SRRM4: variants seen among roughly 807,000 people sequenced by gnomAD.
SRRM4 encodes serine/arginine repetitive matrix 4, also known as serine/arginine repetitive matrix protein 4.
Under a neutral mutation model 68.9 loss-of-function variants are expected in SRRM4, and 33 were observed. That is an observed-to-expected ratio of 0.48 (90% confidence interval 0.36 to 0.64). SRRM4 has a LOEUF of 0.64. Ranked by LOEUF, SRRM4 falls within the 30% of genes least tolerant of loss-of-function variation. SRRM4 has a pLI of 0.00. For synonymous variants in SRRM4, 318 were observed against 318.8 expected (o/e 1.00, Z 0.03); for missense variants, 817 against 827.1 (o/e 0.99, Z 0.15).
chr12:119,096,555 G>A (rs1052662801), intron 1 of SRRM4, among the ~76,000 whole-genome samples: 2 of 152,220 alleles, frequency 1.3e-5, no homozygotes, highest in Non-Finnish European at 2.9e-5. Context: ...CAAGTGATGT[G>A]GAGAGAACGC....
At chr12:119,080,542 G>A (rs2136031128) in intron 1 of SRRM4, among the ~76,000 whole-genome samples, 1 of 152,298 alleles carries the variant, frequency 6.6e-6, no homozygotes, top group East Asian at 1.9e-4. Flanking sequence ...AAGTCCTGAT[G>A]TTAATTCCAA....
chr12:119,095,258 A>G (rs1258730868), intron 1 of SRRM4, among the ~76,000 whole-genome samples: 1 of 152,236 alleles, frequency 6.6e-6, no homozygotes, highest in East Asian at 1.9e-4. Flanking sequence ...TCTCTGGGCT[A>G]GGTCAGCCCC....
intron 1 of SRRM4, among the ~76,000 whole-genome samples, chr12:119,017,449 G>C (rs979930197): frequency 7.2e-5 from 11 of 152,226 alleles, no homozygotes; most frequent in African/African-American, 1.4e-4. Flanking sequence ...CTGTGGGCTT[G>C]TGTGTCTGGG....
intron 1 of SRRM4, among the ~76,000 whole-genome samples, chr12:119,045,356 G>T (rs1054454441): frequency 7.3e-6 from 1 of 137,620 alleles, no homozygotes; most frequent in Non-Finnish European, 1.5e-5. Flanking sequence ...AATTTTAACA[G>T]TATCTTTGAT....
intron 1 of SRRM4, among the ~76,000 whole-genome samples, chr12:119,035,979 G>A (rs1321798336): frequency 6.6e-6 from 1 of 152,096 alleles, no homozygotes; most frequent in Non-Finnish European, 1.5e-5. Context: ...GGATATTTCA[G>A]GCCACATGAA....
rs117266738 is a variant in SRRM4 at position 119,002,768 on chromosome 12, C to A, written c.131+20755C>A. 6.0e-3 allele frequency among the ~76,000 whole-genome samples: 912 copies of A among 152,150 alleles called. 12 individuals carry two copies. The highest frequency in any genetic ancestry group is 0.011 in the South Asian group (55 of 4,810). Reference sequence around the variant, plus strand: ...GACTAGCATATGATACTAGGAGAGCCAATCTCAGCCCTTCCCTGGGGCTAA... The same window carrying A: ...GACTAGCATATGATACTAGGAGAGCAAATCTCAGCCCTTCCCTGGGGCTAA... On this transcript the variant is annotated intron_variant, in intron 1 of 12. Coordinates refer to ENST00000267260, the MANE Select transcript of SRRM4 (RefSeq NM_194286.4).
intron 8 of SRRM4, among the ~76,000 whole-genome samples, chr12:119,134,398 AG>A (rs540581149): frequency 1.4e-5 from 2 of 147,732 alleles, no homozygotes; most frequent in Admixed American, 6.8e-5. Context: ...AAAAAAAAAA[AG>A]AAGAAAAGAA....
intron 1 of SRRM4, among the ~76,000 whole-genome samples, chr12:119,069,936 A>G (rs1953867437): frequency 6.6e-6 from 1 of 152,136 alleles, no homozygotes; most frequent in African/African-American, 2.4e-5. Flanking sequence ...TCATATAGAT[A>G]CCATAAATGG....
chr12:118,997,135 C>G (rs527536266), intron 1 of SRRM4, among the ~76,000 whole-genome samples: 1 of 152,372 alleles, frequency 6.6e-6, no homozygotes, highest in South Asian at 2.1e-4. Context: ...ACCATACATG[C>G]TCTTGACCAC....
intron 9 of SRRM4, among the ~76,000 whole-genome samples, chr12:119,146,172 G>T (rs1954400223): frequency 6.6e-6 from 1 of 152,102 alleles, no homozygotes; most frequent in South Asian, 2.1e-4. Context: ...CCATCACTAG[G>T]GCTAATGAGT....
chr12:119,078,599 A>G (rs942370690), intron 1 of SRRM4, among the ~76,000 whole-genome samples: 23 of 152,178 alleles, frequency 1.5e-4, no homozygotes, highest in Admixed American at 1.3e-3. Context: ...ATCCAGTATC[A>G]CTGGCAAATC....
At chr12:119,086,421 G>A (rs2136034380) in intron 1 of SRRM4, among the ~76,000 whole-genome samples, 1 of 152,220 alleles carries the variant, frequency 6.6e-6, no homozygotes, top group East Asian at 1.9e-4. Flanking sequence ...TTTGTACAGG[G>A]AAACAAGACT....
chr12:119,097,974 G>A (rs1487303742), intron 1 of SRRM4, among the ~76,000 whole-genome samples: 1 of 152,204 alleles, frequency 6.6e-6, no homozygotes, highest in Non-Finnish European at 1.5e-5. Flanking sequence ...TTTCTACAAT[G>A]TCCCAAAGAG....
intron 9 of SRRM4, among the ~76,000 whole-genome samples, chr12:119,150,356 C>A (rs1954430585): frequency 6.6e-6 from 1 of 152,106 alleles, no homozygotes; most frequent in Non-Finnish European, 1.5e-5. Context: ...CCTGTAATCT[C>A]AGCTACTCGG....
intron 6 of SRRM4, among the ~76,000 whole-genome samples, chr12:119,123,303 A>G (rs1030501762): frequency 5.3e-5 from 8 of 152,206 alleles, no homozygotes; most frequent in Non-Finnish European, 1.5e-5. Flanking sequence ...GAGTTAGCTG[A>G]GGGAAGAACT....
chr12:119,052,592 G>A (rs958600425), intron 1 of SRRM4, among the ~76,000 whole-genome samples: 2 of 152,118 alleles, frequency 1.3e-5, no homozygotes, highest in East Asian at 1.9e-4. Context: ...GTAGTAGCGC[G>A]ATCTCGGCTC....
chr12:119,068,345 T>A (rs1953858578), intron 1 of SRRM4, among the ~76,000 whole-genome samples: 1 of 152,162 alleles, frequency 6.6e-6, no homozygotes. Context: ...GTCATAGCCA[T>A]CATCATCACT....
chr12:119,106,663 T>A (rs1005963677), intron 2 of SRRM4, among the ~76,000 whole-genome samples: 1 of 151,850 alleles, frequency 6.6e-6, no homozygotes, highest in Admixed American at 6.6e-5. Context: ...TGATTTTGTA[T>A]CCCGAGACTT....
intron 9 of SRRM4, among the ~76,000 whole-genome samples, chr12:119,147,577 T>C (rs889759824): frequency 6.6e-6 from 1 of 152,204 alleles, no homozygotes; most frequent in African/African-American, 2.4e-5. Flanking sequence ...AAGAAGTATA[T>C]GGGAGCTCCC....
Sources: gnomAD v4.1 joint callset for allele counts (sites outside exome capture counted in the v4.1 genomes callset) on GRCh38, gnomAD v4.1.1 for gene constraint, MANE v1.5 for transcripts, NCBI Gene and HGNC (gene_info 2026-07-23, HGNC 2026-07-21) for gene names.